The following SLC22A2 variants were observed in gnomAD, a reference collection of about 807,000 sequenced individuals.
SLC22A2 encodes the protein solute carrier family 22 member 2.
SLC22A2 carries 46 observed loss-of-function variants against 60.5 expected under a neutral mutation model. The ratio of observed to expected loss-of-function variants is 0.76; its 90% CI spans 0.60 to 0.97. The LOEUF is 0.97. Among genes scored for constraint, SLC22A2 ranks in the 50% least tolerant of loss-of-function variants. The probability of loss-of-function intolerance (pLI) is 0.00; values close to 1 mark genes in which losing one functional copy is unlikely to be tolerated. For missense variants in SLC22A2, 701 were observed against 706.6 expected (o/e 0.99, Z 0.09); for synonymous variants, 303 against 267.0 (o/e 1.13, Z -1.31).
chr6:160,254,948 C>T (rs1315772632), intron 2 of SLC22A2, among the ~76,000 whole-genome samples: 1 of 152,184 alleles, frequency 6.6e-6, no homozygotes, highest in Non-Finnish European at 1.5e-5. Flanking sequence ...GATTGAGTCA[C>T]CTGTTTACTC....
intron 10 of SLC22A2, among the ~76,000 whole-genome samples, chr6:160,221,539 T>C (rs1219859236): frequency 3.3e-5 from 5 of 152,246 alleles, no homozygotes; most frequent in Admixed American, 6.5e-5. Context: ...CAGCTTATGC[T>C]GGCTTTCAAC....
chr6:160,256,582 G>A (rs2774230), intron 2 of SLC22A2, 32 bp downstream of exon 2: 22 of 1,498,194 alleles, frequency 1.5e-5, no homozygotes, highest in Middle Eastern at 1.7e-4. Flanking sequence ...CTTTGGGATT[G>A]TTTAAATTCC....
At chr6:160,231,588 C>A (rs1782824837) in intron 9 of SLC22A2, among the ~76,000 whole-genome samples, 2 of 151,916 alleles carry the variant, frequency 1.3e-5, no homozygotes, top group African/African-American at 4.9e-5. Flanking sequence ...ATACCCCCAT[C>A]TTACCTGTCC....
intron 10 of SLC22A2, among the ~76,000 whole-genome samples, chr6:160,219,131 G>A (rs1168343876): frequency 7.0e-4 from 1 of 1,428 alleles, no homozygotes; most frequent in African/African-American, 2.5e-3. Context: ...AGCAACAACA[G>A]CAGTACGAAC....
At chr6:160,245,290 G>T (rs918463277) in intron 6 of SLC22A2, 149 bp downstream of exon 6, 2 of 503,594 alleles carry the variant, frequency 4.0e-6, no homozygotes, top group East Asian at 3.2e-5. Flanking sequence ...AGAAAAACAC[G>T]ATCAGGAAAA....
chr6:160,231,231 C>T (rs1008936641), intron 9 of SLC22A2, among the ~76,000 whole-genome samples: 3 of 151,766 alleles, frequency 2.0e-5, no homozygotes, highest in South Asian at 2.1e-4. Flanking sequence ...TTTCAGTTAT[C>T]CCCACCTGCC....
At chr6:160,247,039 T>C in intron 5 of SLC22A2, 145 bp downstream of exon 5, 1 of 577,356 alleles carries the variant, frequency 1.7e-6, no homozygotes, top group Non-Finnish European at 3.1e-6. Flanking sequence ...TATAAAATTC[T>C]CTGTTGCATT....
chr6:160,236,974 A>C (rs1402045536), intron 9 of SLC22A2, among the ~76,000 whole-genome samples: 5 of 152,262 alleles, frequency 3.3e-5, no homozygotes, highest in African/African-American at 1.2e-4. Flanking sequence ...TATACAAATA[A>C]TCAGGCCAAG....
At chr6:160,224,853 G>T (rs756924466) in intron 9 of SLC22A2, 49 bp from the exon 10 acceptor site, 3 of 1,087,776 alleles carry the variant, frequency 2.8e-6, no homozygotes, top group Admixed American at 2.5e-5. Context: ...AAAACTCAAG[G>T]TCTATAATTA....
chr6:160,249,368 C>T lies in SLC22A2; in HGVS notation c.690G>A (p.Gly230=). The change falls in exon 4 of 11, where the codon GGG becomes GGA. Residue 230 remains glycine, a synonymous_variant. Coordinates refer to ENST00000366953, the MANE Select transcript of SLC22A2 (RefSeq NM_003058.4). ...TCCCCACTGTTCTCCGATATCTCCGCCCAACAAATTCTGTAACTGCAGAGA... is the reference window on the plus strand; with the variant it reads ...TCCCCACTGTTCTCCGATATCTCCGTCCAACAAATTCTGTAACTGCAGAGA... ...IGYILITEFV[G]RRYRRTVGIF... is the part of the protein sequence containing the mutation. 2 of 1,613,298 alleles carry T rather than the reference C, an allele frequency of 1.2e-6. No homozygotes were observed. The highest frequency in any genetic ancestry group is 1.7e-6 in the Non-Finnish European group (2 of 1,179,634).
chr6:160,227,756 G>A (rs1485067890), intron 9 of SLC22A2, among the ~76,000 whole-genome samples: 1 of 152,196 alleles, frequency 6.6e-6, no homozygotes, highest in South Asian at 2.1e-4. Context: ...CAGACAGTTA[G>A]CACTCTAAGT....
Position 160,217,366 on chromosome 6 carries a change from G to A in SLC22A2, c.*66C>T. On this transcript the variant is annotated 3_prime_UTR_variant, in exon 11 of 11. Coordinates refer to ENST00000366953, the MANE Select transcript of SLC22A2 (RefSeq NM_003058.4). ...TTGTATGGGCTTTGTGATGAGTGCA[G>A]GGATTTCTACTTTTGGTCTTGCTGC... 1 of 1,027,690 alleles carries A rather than the reference G, an allele frequency of 9.7e-7. No homozygotes were observed. Among genetic ancestry groups the A allele is most frequent in the Non-Finnish European group, 1.5e-6 (1 of 661,720 alleles). The allele number at this position is 1,027,690 out of a possible 1,614,324, so 63.7% of individuals were successfully genotyped here.
intron 9 of SLC22A2, among the ~76,000 whole-genome samples, chr6:160,234,853 A>T (rs1782885982): frequency 6.6e-6 from 1 of 152,242 alleles, no homozygotes; most frequent in African/African-American, 2.4e-5. Context: ...CCCAGGGTTC[A>T]ATCCTGGCTT....
intron 9 of SLC22A2, among the ~76,000 whole-genome samples, chr6:160,234,883 G>C (rs752778558): frequency 1.3e-5 from 2 of 152,164 alleles, no homozygotes; most frequent in Non-Finnish European, 2.9e-5. Flanking sequence ...ATCCTTTCTG[G>C]TTTAAAATCT....
At chr6:160,246,671 T>C (rs1783100222) in intron 5 of SLC22A2, among the ~76,000 whole-genome samples, 1 of 152,088 alleles carries the variant, frequency 6.6e-6, no homozygotes, top group Non-Finnish European at 1.5e-5. Flanking sequence ...CGCTTGAACC[T>C]GGGAAGTGGA....
Position 160,256,619 on chromosome 6 carries a change from T to C in SLC22A2, c.513A>G (p.Ala171=). The change falls in exon 2 of 11, where the codon GCA becomes GCG. Residue 171 remains alanine (A), a synonymous_variant. Transcript: ENST00000366953. ...CCACAGGTGATTCAACCTACCTGTCTGCTATGTAGCCGATACTCATAGAGC... is the reference window on the plus strand; with the variant it reads ...CCACAGGTGATTCAACCTACCTGTCCGCTATGTAGCCGATACTCATAGAGC... ...FIGSMSIGYI[A]DRFGRKLCLL... 6.2e-7 allele frequency: 1 copy of C among 1,607,766 alleles called. No homozygotes were observed. The highest frequency in any genetic ancestry group is 2.2e-5 in the East Asian group (1 of 44,828).
rs1028988213 is a variant in SLC22A2, at chr6:160,258,815, C to T, written c.-58G>A. The stretch of plus-strand genomic sequence containing the variant: ...GACGTGCCCGGAGCGAGGCTGAGAG[C>T]GGCTGCAGCCAGCTCAGCACAAACC... On this transcript the variant is annotated 5_prime_UTR_variant, in exon 1 of 11. Coordinates refer to ENST00000366953, the MANE Select transcript of SLC22A2 (RefSeq NM_003058.4). 9 of 1,470,124 alleles carry T rather than the reference C, an allele frequency of 6.1e-6. No homozygotes were observed. The highest frequency in any genetic ancestry group is 4.9e-5 in the Admixed American group (2 of 41,018). 91.1% of individuals were successfully genotyped at this position (1,470,124 alleles called of 1,614,324 possible). A position where few individuals can be genotyped will look rare whatever the true frequency, so the allele number is the denominator to read the frequency against.
At position 160,247,328 on chromosome 6, in the gene SLC22A2, C is replaced by G. The variant is rs368252495; in HGVS notation, c.843-30G>C. 4 of 1,152,494 alleles carry G rather than the reference C, an allele frequency of 3.5e-6. No individual in the cohort carries two copies. The African/African-American group carries it at 6.1e-5, about 17-fold the overall frequency. The allele number at this position is 1,152,494 out of a possible 1,614,324, so 71.4% of individuals were successfully genotyped here. A position where few individuals can be genotyped will look rare whatever the true frequency, so the allele number is the denominator to read the frequency against. On this transcript the variant is annotated intron_variant, in intron 4 of 10. Coordinates refer to ENST00000366953, the MANE Select transcript of SLC22A2 (RefSeq NM_003058.4). The stretch of plus-strand genomic sequence containing the variant: ...GGTACAAGGTGAGCGGAGGGCAACT[C>G]TTACTGAATCCTCCTTACCCCATCC...
At chr6:160,223,788 C>T (rs541537444) in intron 10 of SLC22A2, among the ~76,000 whole-genome samples, 18 of 152,258 alleles carry the variant, frequency 1.2e-4, no homozygotes, top group Non-Finnish European at 2.5e-4. Context: ...AGTGCAGTGG[C>T]ACGATCTCAG....
Sources: allele counts gnomAD v4.1 joint callset (sites outside exome capture counted in the v4.1 genomes callset), GRCh38; gene constraint gnomAD v4.1.1; transcripts MANE v1.5; gene names NCBI Gene and HGNC (gene_info 2026-07-23, HGNC 2026-07-21).